Variants in ST3GAL3 observed in about 807,000 individuals in gnomAD.
ST3GAL3 encodes the protein CMP-N-acetylneuraminate-beta-1,4-galactoside alpha-2,3-sialyltransferase.
Under a neutral mutation model 50.1 loss-of-function variants are expected in ST3GAL3, and 21 were observed. The ratio of observed to expected loss-of-function variants is 0.42; its 90% CI spans 0.30 to 0.60. The LOEUF is 0.60. ST3GAL3 is among the 20% of genes least tolerant of loss of function. The probability of loss-of-function intolerance (pLI) is 0.19; values close to 1 mark genes in which losing one functional copy is unlikely to be tolerated. For missense variants in ST3GAL3, 353 were observed against 489.4 expected, an observed-to-expected ratio of 0.72 and a Z score of 2.63; for synonymous variants, 183 against 190.0, an observed-to-expected ratio of 0.96 and a Z score of 0.30.
chr1:43,881,101 C>G (rs1000557756), intron 5 of ST3GAL3, among the ~76,000 whole-genome samples: 2 of 152,090 alleles, frequency 1.3e-5, no homozygotes, highest in African/African-American at 4.8e-5. Context: ...ACCTCCTCCT[C>G]CCGGGTTCAA....
At chr1:43,750,399 G>A (rs927795450) in intron 2 of ST3GAL3, among the ~76,000 whole-genome samples, 7 of 152,032 alleles carry the variant, frequency 4.6e-5, no homozygotes, top group African/African-American at 1.7e-4. Flanking sequence ...ACAATAGCCA[G>A]GTACTGGAAA....
chr1:43,778,724 C>T (rs1276171276), intron 2 of ST3GAL3, among the ~76,000 whole-genome samples: 1 of 144,694 alleles, frequency 6.9e-6, no homozygotes, highest in Non-Finnish European at 1.5e-5. Flanking sequence ...CGGCTCACTG[C>T]AAGCTCCGCC....
chr1:43,733,590 A>G (rs142886852), intron 1 of ST3GAL3, among the ~76,000 whole-genome samples: 98 of 152,292 alleles, frequency 6.4e-4, no homozygotes, highest in African/African-American at 2.2e-3. Context: ...GCCAGTACCT[A>G]TCTACCTTAG....
chr1:43,849,884 T>G (rs972799850), intron 5 of ST3GAL3, among the ~76,000 whole-genome samples: 1 of 152,192 alleles, frequency 6.6e-6, no homozygotes, highest in Non-Finnish European at 1.5e-5. Flanking sequence ...AGAGTGGCAG[T>G]GTGTACAAGC....
intron 6 of ST3GAL3, 42 bp downstream of exon 6, chr1:43,894,519 C>T (rs562381019): frequency 7.7e-6 from 12 of 1,560,616 alleles, no homozygotes; most frequent in South Asian, 4.4e-5. Flanking sequence ...CTCATCCCCC[C>T]GACTGTCTCC....
At chr1:43,819,424 T>C (rs895851380) in intron 4 of ST3GAL3, among the ~76,000 whole-genome samples, 5 of 152,210 alleles carry the variant, frequency 3.3e-5, no homozygotes, top group Admixed American at 3.3e-4. Flanking sequence ...TCATAAAATA[T>C]GCTCTTTGAT....
chr1:43,728,367 C>G (rs199712286), intron 1 of ST3GAL3, among the ~76,000 whole-genome samples: 1 of 63,008 alleles, frequency 1.6e-5, no homozygotes, highest in African/African-American at 5.2e-5. Flanking sequence ...ACAAAAACAC[C>G]ATCAAAATCT....
intron 3 of ST3GAL3, among the ~76,000 whole-genome samples, chr1:43,796,846 A>T (rs2154157111): frequency 6.6e-6 from 1 of 152,356 alleles, no homozygotes; most frequent in South Asian, 2.1e-4. Flanking sequence ...CCCAAAGTAA[A>T]GGCAAAGTCT....
At chr1:43,773,097 A>G (rs939265050) in intron 2 of ST3GAL3, among the ~76,000 whole-genome samples, 1 of 152,154 alleles carries the variant, frequency 6.6e-6, no homozygotes, top group African/African-American at 2.4e-5. Flanking sequence ...TTTCCTAGTT[A>G]GTTTTGAATG....
At chr1:43,724,747 T>C (rs1672129773) in intron 1 of ST3GAL3, among the ~76,000 whole-genome samples, 1 of 152,136 alleles carries the variant, frequency 6.6e-6, no homozygotes, top group Non-Finnish European at 1.5e-5. Context: ...AACTAACACT[T>C]GAACACAGTC....
At chr1:43,711,275 C>T (rs896926242) in intron 1 of ST3GAL3, among the ~76,000 whole-genome samples, 1 of 152,206 alleles carries the variant, frequency 6.6e-6, no homozygotes, top group Admixed American at 6.5e-5. Flanking sequence ...ATAGAAACTC[C>T]ATCTTAATAT....
At chr1:43,783,247 T>C (rs571026659) in intron 2 of ST3GAL3, among the ~76,000 whole-genome samples, 2 of 152,328 alleles carry the variant, frequency 1.3e-5, no homozygotes, top group South Asian at 4.1e-4. Context: ...CACCTGCAGG[T>C]CCCTGCCCTC....
chr1:43,768,271 C>CA (rs1313309184), intron 2 of ST3GAL3, among the ~76,000 whole-genome samples: 2 of 151,946 alleles, frequency 1.3e-5, no homozygotes, highest in Admixed American at 6.6e-5. Flanking sequence ...CCTGTCTCTA[C>CA]AAAAAAATTT....
chr1:43,772,232 G>A, intron 2 of ST3GAL3: 1 of 383,518 alleles, frequency 2.6e-6, no homozygotes, highest in Admixed American at 4.5e-5. Flanking sequence ...ATTTTTAGTA[G>A]AGATGGGGTT....
intron 1 of ST3GAL3, chr1:43,709,407 G>A (rs1275450905): frequency 3.4e-5 from 5 of 146,334 alleles, no homozygotes; most frequent in African/African-American, 1.3e-4. Context: ...TTTTTTTTTT[G>A]AGACAGGGTC....
intron 4 of ST3GAL3, among the ~76,000 whole-genome samples, chr1:43,830,355 A>C (rs1156233004): frequency 6.6e-6 from 1 of 152,158 alleles, no homozygotes; most frequent in African/African-American, 2.4e-5. Context: ...AAGAATCTTT[A>C]AGATCTTTCA....
At chr1:43,777,421 A>G (rs567099320) in intron 2 of ST3GAL3, among the ~76,000 whole-genome samples, 200 of 152,322 alleles carry the variant, frequency 1.3e-3, no homozygotes, top group Admixed American at 4.1e-3. Context: ...TACTGGTACA[A>G]AAACAGACAC....
chr1:43,862,939 A>T (rs2070374628), intron 5 of ST3GAL3, among the ~76,000 whole-genome samples: 2 of 152,048 alleles, frequency 1.3e-5, no homozygotes, highest in Non-Finnish European at 2.9e-5. Context: ...ACAGAGTCTA[A>T]AGTGGCTCTA....
At chr1:43,855,280 A>T (rs1190404690) in intron 5 of ST3GAL3, among the ~76,000 whole-genome samples, 1 of 152,160 alleles carries the variant, frequency 6.6e-6, no homozygotes, top group Non-Finnish European at 1.5e-5. Context: ...ATTCCAAAAG[A>T]CACAATCATG....
Sources: gnomAD v4.1 joint callset for allele counts (sites outside exome capture counted in the v4.1 genomes callset) on GRCh38, gnomAD v4.1.1 for gene constraint, MANE v1.5 for transcripts, NCBI Gene and HGNC (gene_info 2026-07-23, HGNC 2026-07-21) for gene names.